RPAP1: variants seen among roughly 807,000 people sequenced by gnomAD.
The protein encoded by RPAP1 is RNA polymerase II-associated protein 1.
RPAP1 carries 109 observed loss-of-function variants against 142.4 expected under a neutral mutation model. The observed-to-expected ratio is 0.77, with a 90% CI of 0.66 to 0.90. RPAP1 has a LOEUF of 0.90. Among genes scored for constraint, RPAP1 ranks in the 40% least tolerant of loss-of-function variants. RPAP1 has a pLI of 0.00. For synonymous variants in RPAP1, 704 were observed against 738.9 expected, an observed-to-expected ratio of 0.95 and a Z score of 0.77; for missense variants, 1,546 against 1,751.7, an observed-to-expected ratio of 0.88 and a Z score of 2.10.
rs201198347 is a variant in RPAP1 at position 41,517,611 on chromosome 15, G to A, written c.4113C>T (p.Pro1371=). The part of the protein sequence containing the change: ...PEGFELYSQL[P]PLRQHYLQRL... ...TCTGGAGGTAGTGCTGACGCAGAGG[G>A]GGCAACTGAGAATAGAGCTCAAAGC... The change falls in exon 25 of 25, where the codon CCC becomes CCT. Residue 1371 remains proline (P), a synonymous_variant. Coordinates refer to ENST00000304330, the MANE Select transcript of RPAP1 (RefSeq NM_015540.4). The A allele has an allele frequency of 6.1e-5, 99 of 1,610,938 alleles. No individual in the cohort carries two copies. In the African/African-American group the frequency reaches 8.0e-4, roughly 13 times the overall value.
chr15:41,524,299 G>A (rs367928671), intron 15 of RPAP1, 45 bp from the exon 16 acceptor site: 3 of 1,480,686 alleles, frequency 2.0e-6, no homozygotes, highest in Non-Finnish European at 2.7e-6. Flanking sequence ...AAAGCAAGTG[G>A]AGACATGAGA....
chr15:41,522,638 C>T (rs2051740239), intron 19 of RPAP1, 127 bp downstream of exon 19: 1 of 827,796 alleles, frequency 1.2e-6, no homozygotes, highest in African/African-American at 1.8e-5. Context: ...GATCTGCCCA[C>T]CTCGGCCTCC....
intron 6 of RPAP1, among the ~76,000 whole-genome samples, chr15:41,534,421 C>CAA (rs547606514): frequency 2.4e-5 from 3 of 122,478 alleles, no homozygotes; most frequent in Non-Finnish European, 3.5e-5. Flanking sequence ...TCTGTCCCCC[C>CAA]AAAAAAAAAA....
At position 41,523,854 on chromosome 15, in the gene RPAP1, G is replaced by C; in HGVS notation, c.2353C>G (p.Pro785Ala). ...GGGCCCACGGCTCTCCACATCTCAG[G>C]TCTGGACAGCAACTTCAAGGTCTGC... ...LRQTLKLLSR[P>A]EMWRAVGPVP... Residue 785 changes from proline (P) to alanine (A), a missense_variant, in exon 17 of 25, where the codon CCT becomes GCT. Pro to Ala is a conservative substitution (Grantham distance 27). Transcript: ENST00000304330. 1 of 1,609,202 alleles carries C rather than the reference G, an allele frequency of 6.2e-7. No homozygotes were observed. The highest frequency in any genetic ancestry group is 1.1e-5 in the South Asian group (1 of 89,994).
intron 19 of RPAP1, 153 bp from the exon 20 acceptor site, chr15:41,522,403 T>C (rs1415756244): frequency 1.4e-6 from 1 of 737,180 alleles, no homozygotes; most frequent in South Asian, 1.9e-5. Flanking sequence ...TTTTTGGTTT[T>C]TTTTGAGATG....
chr15:41,525,601 C>T (rs1440847059), intron 14 of RPAP1, among the ~76,000 whole-genome samples: 4 of 151,644 alleles, frequency 2.6e-5, no homozygotes, highest in African/African-American at 4.8e-5. Context: ...CCTTCCAAAA[C>T]GTTGGGATTA....
rs557972052 is a variant in RPAP1 at position 41,528,271 on chromosome 15, T to C, written c.1224A>G (p.Ala408=). The change falls in exon 10 of 25, where the codon GCA becomes GCG. Residue 408 remains alanine, a synonymous_variant. Coordinates refer to ENST00000304330, the MANE Select transcript of RPAP1 (RefSeq NM_015540.4). ...CCTGGGCTAACACATGCAGTGCCAG[T>C]GCTCTCTGCTGGGAAACCTGGCTGC... ...LTRSQVSQQR[A]LALHVLAQVI... 1.2e-6 allele frequency: 2 copies of C among 1,609,114 alleles called. No homozygotes were observed. Among genetic ancestry groups the C allele is most frequent in the East Asian group, 2.2e-5 (1 of 44,798 alleles).
chr15:41,523,265 G>T lies in RPAP1; in HGVS notation c.2526C>A (p.Gly842=). The T allele has an allele frequency of 3.7e-6, 6 of 1,606,610 alleles. No individual in the cohort carries two copies. The highest frequency in any genetic ancestry group is 5.1e-6 in the Non-Finnish European group (6 of 1,175,810). ...LLPLLSQPTL[G]SLWDSLRHCS... ...CATACCTAAGGGAATCCCACAGGCT[G>T]CCCAGTGTGGGCTGACTCAGCAGTG... The change falls in exon 18 of 25, where the codon GGC becomes GGA. Residue 842 remains glycine, a synonymous_variant. Transcript: ENST00000304330.
At position 41,529,914 on chromosome 15, in the gene RPAP1, G is replaced by C. The variant is rs754132448; in HGVS notation, c.1009C>G (p.Leu337Val). 1 of 1,613,842 alleles carries C rather than the reference G, an allele frequency of 6.2e-7. No homozygotes were observed. The highest frequency in any genetic ancestry group is 8.5e-7 in the Non-Finnish European group (1 of 1,179,840). ...LHMDTVELEK[L>V]HWTQDLPPVR... ...GGGGGCAAGTCCTGGGTCCAGTGGAGCTTCTCCAGCTCGACAGTGTCCATG... is the reference window on the plus strand; with the variant it reads ...GGGGGCAAGTCCTGGGTCCAGTGGACCTTCTCCAGCTCGACAGTGTCCATG... The change falls in exon 8 of 25, where the codon CTC becomes GTC. Residue 337 changes from leucine (L) to valine (V), a missense_variant. Transcript: ENST00000304330.
chr15:41,536,039 A>C (rs1319674022), intron 4 of RPAP1, 90 bp downstream of exon 4: 3 of 908,218 alleles, frequency 3.3e-6, no homozygotes, highest in Non-Finnish European at 5.3e-6. Context: ...TAAATTGCTT[A>C]TCATCATTAA....
intron 5 of RPAP1, 142 bp from the exon 6 acceptor site, chr15:41,535,077 GGCACAGGGACTCCAGGTGGCT>G: frequency 1.4e-6 from 1 of 732,738 alleles, no homozygotes; most frequent in Non-Finnish European, 2.2e-6. Flanking sequence ...CACTGGGTCT[GGCACAGGGACTCCAGGTGGCT>G]TCTCCACTCA....
At chr15:41,527,680 C>A in intron 11 of RPAP1, 75 bp from the exon 12 acceptor site, 1 of 1,499,462 alleles carries the variant, frequency 6.7e-7, no homozygotes, top group Non-Finnish European at 8.9e-7. Context: ...GAGGATGCTC[C>A]CCAATAAAAA....
chr15:41,523,466 G>T, intron 17 of RPAP1, 112 bp from the exon 18 acceptor site: 1 of 711,862 alleles, frequency 1.4e-6, no homozygotes, highest in Non-Finnish European at 2.4e-6. Context: ...ACATTTGGAG[G>T]CTTCTGCAGG....
In RPAP1 at chr15:41,527,506, A is replaced by C. The variant is rs2051805571; in HGVS notation, c.1528T>G (p.Cys510Gly). Residue 510 changes from cysteine to glycine, a missense_variant, in exon 12 of 25, where the codon TGC becomes GGC. Around this residue, in one of 3 missense-constraint regions of RPAP1, gnomAD observed 1,333 missense variants for 1,486.6 expected, o/e 0.90. Transcript: ENST00000304330. ...DKEDEDEDEE[C>G]PAGKAKRKSP... ...TTCCTTTTTGCTTTTCCTGCTGGGC[A>C]TTCTTCATCCTCGTCCTCATCCTCC... 4.3e-6 allele frequency: 7 copies of C among 1,614,008 alleles called. No individual in the cohort carries two copies. The highest frequency in any genetic ancestry group is 5.9e-6 in the Non-Finnish European group (7 of 1,180,024).
chr15:41,537,323 A>G (rs1463951075), intron 1 of RPAP1, 122 bp from the exon 2 acceptor site: 1 of 584,188 alleles, frequency 1.7e-6, no homozygotes, highest in African/African-American at 1.9e-5. Flanking sequence ...TTCATACCTT[A>G]CTGCCATTCC....
At chr15:41,538,611 T>A (rs2051938793) in intron 1 of RPAP1, among the ~76,000 whole-genome samples, 1 of 152,266 alleles carries the variant, frequency 6.6e-6, no homozygotes, top group Non-Finnish European at 1.5e-5. Context: ...CTCTATATAC[T>A]GTAAATTTAT....
At chr15:41,522,659 G>T in intron 19 of RPAP1, 106 bp downstream of exon 19, 2 of 1,053,604 alleles carry the variant, frequency 1.9e-6, no homozygotes, top group Non-Finnish European at 2.7e-6. Flanking sequence ...CAAACTGCTG[G>T]GATTACAGGC....
At chr15:41,517,900 G>T (rs1461808157) in intron 23 of RPAP1, 43 bp from the exon 24 acceptor site, 2 of 1,613,564 alleles carry the variant, frequency 1.2e-6, no homozygotes, top group African/African-American at 2.7e-5. Flanking sequence ...CCGAGGGCTG[G>T]TACCCACCAC....
chr15:41,540,977 C>T (rs1225002496), intron 1 of RPAP1, among the ~76,000 whole-genome samples: 1 of 152,124 alleles, frequency 6.6e-6, no homozygotes, highest in African/African-American at 2.4e-5. Context: ...ATCATCAAAC[C>T]TCCTCCCCTA....
Sources: allele counts gnomAD v4.1 joint callset (sites outside exome capture counted in the v4.1 genomes callset), GRCh38; gene constraint gnomAD v4.1.1; regional missense constraint gnomAD v4.1.1; transcripts MANE v1.5; gene names NCBI Gene and HGNC (gene_info 2026-07-23, HGNC 2026-07-21).